SYT5: variants seen among roughly 807,000 people sequenced by gnomAD.
The protein encoded by SYT5 is synaptotagmin-5.
A neutral mutation model predicts 36.0 loss-of-function variants in SYT5; 29 were observed. The observed-to-expected ratio is 0.81, with a 90% CI of 0.60 to 1.10. SYT5 has a LOEUF of 1.10. SYT5 is among the 50% of genes least tolerant of loss of function. The pLI is 0.00. For missense variants in SYT5, 512 were observed against 516.0 expected (o/e 0.99, Z 0.08); for synonymous variants, 231 against 227.6 (o/e 1.02, Z -0.14).
rs199548402 is a variant in SYT5 at position 55,174,488 on chromosome 19, C to T, written c.960+29G>A. ...CAATGGCGATTACTAAAGGTCTGGG[C>T]TCTTGGAGAAGGGCAGGTTTGAGCT... On this transcript the variant is annotated intron_variant, in intron 8 of 8. Transcript: ENST00000354308. 1.3e-4 allele frequency: 214 copies of T among 1,610,070 alleles called. 2 individuals carry two copies. The East Asian group carries it at 2.5e-3, about 19-fold the overall frequency.
chr19:55,174,882 C>G lies in SYT5; in HGVS notation c.826G>C (p.Asp276His). The G allele has an allele frequency of 2.5e-6, 4 of 1,614,094 alleles. No individual in the cohort carries two copies. The highest frequency in any genetic ancestry group is 3.4e-6 in the Non-Finnish European group (4 of 1,179,958). ...LKKMDVGGLS[D>H]PYVKVHLLQG... Reference sequence around the variant, plus strand: ...CCCCACTCCCTTGCTTCCCACACACCTGACAGTCCTCCTACGTCCATCTTC... The same window carrying G: ...CCCCACTCCCTTGCTTCCCACACACGTGACAGTCCTCCTACGTCCATCTTC... The change falls in exon 7 of 9, where the codon GAT becomes CAT. Residue 276 changes from aspartate to histidine, a missense_variant and splice_region_variant. Physicochemically the swap from Asp to His is moderately conservative, Grantham distance 81 (BLOSUM62 -1). Coordinates refer to ENST00000354308, the MANE Select transcript of SYT5 (RefSeq NM_003180.3).
rs2086006653 is a variant in SYT5 at position 55,171,650 on chromosome 19, G to C, written c.*1834C>G. Reference sequence around the variant, plus strand: ...GGAACTATCATCTTTGCTAGAAACAGAGTAGGAGGCAGCATTCGTTGAAAG... The same window carrying C: ...GGAACTATCATCTTTGCTAGAAACACAGTAGGAGGCAGCATTCGTTGAAAG... On this transcript the variant is annotated 3_prime_UTR_variant, in exon 9 of 9. Transcript: ENST00000354308. The C allele has an allele frequency of 6.6e-6, 1 of 152,184 alleles. No individual in the cohort carries two copies. The highest frequency in any genetic ancestry group is 2.4e-5 in the African/African-American group (1 of 41,430). 9.4% of individuals were successfully genotyped at this position (152,184 alleles called of 1,614,324 possible). A position where few individuals can be genotyped will look rare whatever the true frequency, so the allele number is the denominator to read the frequency against.
rs774472391 is a variant in SYT5, at chr19:55,175,189, C to A, written c.691G>T (p.Ala231Ser). 1 of 1,605,260 alleles carries A rather than the reference C, an allele frequency of 6.2e-7. No individual in the cohort carries two copies. Among genetic ancestry groups the A allele is most frequent in the Non-Finnish European group, 8.5e-7 (1 of 1,176,732 alleles). The change falls in exon 6 of 9, where the codon GCG becomes TCG. Residue 231 changes from alanine to serine, a missense_variant. Coordinates refer to ENST00000354308, the MANE Select transcript of SYT5 (RefSeq NM_003180.3). This position sits in a 1 kb window ranked among gnomAD's most constrained non-coding sequence, Gnocchi z 4.5. ...RPVQAWRELQ[A>S]APREEQEKLG... ...ATGCTCACCTCCTCCCGCGGAGCCG[C>A]CTGCAGCTCCCGCCAGGCCTGCACT...
rs1237491036 is a variant in SYT5 at position 55,175,258 on chromosome 19, C to A, written c.622G>T (p.Gly208Trp). 3 of 1,606,628 alleles carry A rather than the reference C, an allele frequency of 1.9e-6. No homozygotes were observed. Among genetic ancestry groups the A allele is most frequent in the Non-Finnish European group, 2.5e-6 (3 of 1,177,560 alleles). The change falls in exon 6 of 9, where the codon GGG (glycine) becomes TGG (tryptophan). Residue 208 changes from glycine to tryptophan, a missense_variant. By Grantham distance (184) the Gly-to-Trp change is radical. Coordinates refer to ENST00000354308, the MANE Select transcript of SYT5 (RefSeq NM_003180.3). This position sits in a 1 kb window ranked among gnomAD's most constrained non-coding sequence, Gnocchi z 4.5. ...FDRFSRNDAIGEVRVPMSSVD... is the reference protein window; with the variant it reads ...FDRFSRNDAIWEVRVPMSSVD... ...GAGCTCATAGGGACCCGCACCTCCC[C>A]GATGGCGTCATTGCGAGAGAAGCGG...
Position 55,171,630 on chromosome 19 carries a change from TATC to T in SYT5, c.*1851_*1853del, listed in dbSNP as rs2086006544. 1 of 152,128 alleles carries T rather than the reference TATC, an allele frequency of 6.6e-6. No individual in the cohort carries two copies. Among genetic ancestry groups the T allele is most frequent in the Non-Finnish European group, 1.5e-5 (1 of 68,030 alleles). 9.4% of individuals were successfully genotyped at this position (152,128 alleles called of 1,614,324 possible). A position where few individuals can be genotyped will look rare whatever the true frequency, so the allele number is the denominator to read the frequency against. On this transcript the variant is annotated 3_prime_UTR_variant, in exon 9 of 9. Transcript: ENST00000354308. ...GAGATAAGGTAGAAGCCAATGGAAC[TATC>T]ATCTTTGCTAGAAACAGAGTAGGAG...
chr19:55,175,891 C>A lies in SYT5; in HGVS notation c.373-15G>T. On this transcript the variant is annotated splice_polypyrimidine_tract_variant and intron_variant, in intron 4 of 8. Coordinates refer to ENST00000354308, the MANE Select transcript of SYT5 (RefSeq NM_003180.3). The surrounding 1 kb of genome is among the most constrained non-coding windows in gnomAD (Gnocchi z 4.5). Reference sequence around the variant, plus strand: ...CCCACCAGCAGCTGCAGGGCCCAGGCACAGTGGGGGAGGTGGGGAACACTA... The same window carrying A: ...CCCACCAGCAGCTGCAGGGCCCAGGAACAGTGGGGGAGGTGGGGAACACTA... 1 of 1,614,058 alleles carries A rather than the reference C, an allele frequency of 6.2e-7. No individual in the cohort carries two copies. Among genetic ancestry groups the A allele is most frequent in the Non-Finnish European group, 8.5e-7 (1 of 1,179,972 alleles).
At position 55,179,022 on chromosome 19, in the gene SYT5, G is replaced by A; in HGVS notation, c.20C>T (p.Thr7Ile). 6.2e-7 allele frequency: 1 copy of A among 1,606,136 alleles called. No individual in the cohort carries two copies. The highest frequency in any genetic ancestry group is 1.1e-5 in the South Asian group (1 of 89,660). ...CGTGTCGGGCGATGGAGGCCCCGGG[G>A]TTGGGGGCTCCGGGAACATGGTGGC... MFPEPP[T>I]PGPPSPDTPP... Residue 7 changes from threonine (T) to isoleucine (I), a missense_variant, in exon 2 of 9, where the codon ACC becomes ATC. Coordinates refer to ENST00000354308, the MANE Select transcript of SYT5 (RefSeq NM_003180.3). This position sits in a 1 kb window ranked among gnomAD's most constrained non-coding sequence, Gnocchi z 4.5.
intron 7 of SYT5, 49 bp downstream of exon 7, chr19:55,174,833 C>G: frequency 6.3e-7 from 1 of 1,592,846 alleles, no homozygotes; most frequent in Non-Finnish European, 8.6e-7. Flanking sequence ...AGAACGAGAA[C>G]CCACCCCACG....
chr19:55,179,560 G>C lies in SYT5; in HGVS notation c.-45-474C>G, dbSNP rs1174855920. The C allele has an allele frequency of 1.0e-5, 2 of 196,402 alleles. No homozygotes were observed. The highest frequency in any genetic ancestry group is 2.1e-5 in the Non-Finnish European group (2 of 97,274). 12.2% of individuals were successfully genotyped at this position (196,402 alleles called of 1,614,324 possible). ...ACCGGTGCCTGGGAACCCCCCAATA[G>C]CCCGACTGGGATCCTGAGGTCCCGC... is the stretch of plus-strand genomic sequence containing the variant. On this transcript the variant is annotated intron_variant, in intron 1 of 8. Coordinates refer to ENST00000354308, the MANE Select transcript of SYT5 (RefSeq NM_003180.3). The surrounding 1 kb of genome is among the most constrained non-coding windows in gnomAD (Gnocchi z 4.5).
intron 3 of SYT5, among the ~76,000 whole-genome samples, chr19:55,176,478 CA>C (rs2086078728): frequency 1.3e-5 from 2 of 152,194 alleles, no homozygotes; most frequent in Non-Finnish European, 2.9e-5. Flanking sequence ...TCCAAACTGC[CA>C]TGTTTACTTG....
At chr19:55,174,385 G>T in intron 8 of SYT5, 132 bp downstream of exon 8, 1 of 1,276,536 alleles carries the variant, frequency 7.8e-7, no homozygotes, top group Non-Finnish European at 1.1e-6. Flanking sequence ...CCTCATAGGA[G>T]GAAACAGACT....
At position 55,174,643 on chromosome 19, in the gene SYT5, G is replaced by A. The variant is rs1169958305; in HGVS notation, c.834C>T (p.Tyr278=). 1.9e-6 allele frequency: 3 copies of A among 1,614,070 alleles called. No homozygotes were observed. Among genetic ancestry groups the A allele is most frequent in the Admixed American group, 1.7e-5 (1 of 60,018 alleles). Residue 278 remains tyrosine (Y), a synonymous_variant, in exon 8 of 9, where the codon TAC becomes TAT. Coordinates refer to ENST00000354308, the MANE Select transcript of SYT5 (RefSeq NM_003180.3). The part of the protein sequence containing the change: ...KMDVGGLSDP[Y]VKVHLLQGGK... ...CGCCCTGCAGCAGGTGGACCTTGAC[G>A]TATGGATCTGGGGAGAGGAAGGAGG...
chr19:55,176,641 G>A (rs2086079762), intron 3 of SYT5, among the ~76,000 whole-genome samples: 1 of 152,156 alleles, frequency 6.6e-6, no homozygotes, highest in African/African-American at 2.4e-5. Context: ...TGAATCCTGT[G>A]GCAAAATGTC....
chr19:55,171,336 C>T lies in SYT5; in HGVS notation c.*2148G>A, dbSNP rs1008049809. On this transcript the variant is annotated 3_prime_UTR_variant, in exon 9 of 9. Coordinates refer to ENST00000354308, the MANE Select transcript of SYT5 (RefSeq NM_003180.3). ...ACACACACACACACACACACACACA[C>T]ACACACACACTCACACACATGAAAA... 6.6e-6 allele frequency: 1 copy of T among 152,220 alleles called. No homozygotes were observed. The highest frequency in any genetic ancestry group is 2.4e-5 in the African/African-American group (1 of 41,276). 9.4% of individuals were successfully genotyped at this position (152,220 alleles called of 1,614,324 possible). A position where few individuals can be genotyped will look rare whatever the true frequency, so the allele number is the denominator to read the frequency against.
rs918324344 is a variant in SYT5, at chr19:55,171,343, A to T, written c.*2141T>A. ...CACACACACACACACACACACACAC[A>T]CACTCACACACATGAAAAGTTACTG... On this transcript the variant is annotated 3_prime_UTR_variant, in exon 9 of 9. Coordinates refer to ENST00000354308, the MANE Select transcript of SYT5 (RefSeq NM_003180.3). 5 of 149,824 alleles carry T rather than the reference A, an allele frequency of 3.3e-5. No individual in the cohort carries two copies. Among genetic ancestry groups the T allele is most frequent in the Non-Finnish European group, 7.4e-5 (5 of 67,840 alleles). 9.3% of individuals were successfully genotyped at this position (149,824 alleles called of 1,614,324 possible). A position where few individuals can be genotyped will look rare whatever the true frequency, so the allele number is the denominator to read the frequency against.
chr19:55,177,275 G>A (rs1325347607), intron 3 of SYT5: 1 of 152,174 alleles, frequency 6.6e-6, no homozygotes, highest in Non-Finnish European at 1.5e-5. Context: ...TGCAGCTATT[G>A]TGAGAAATGA....
Position 55,179,262 on chromosome 19 carries a change from T to C in SYT5, c.-45-176A>G. The C allele has an allele frequency of 6.9e-7, 1 of 1,450,466 alleles. No individual in the cohort carries two copies. Among genetic ancestry groups the C allele is most frequent in the South Asian group, 1.4e-5 (1 of 70,328 alleles). The allele number at this position is 1,450,466 out of a possible 1,614,324, so 89.8% of individuals were successfully genotyped here. ...TTGAGAGGGGGTGTCCAGGACCTAG[T>C]TCCATCCTAAAGGGATACCCTCTTC... is the stretch of plus-strand genomic sequence containing the variant. On this transcript the variant is annotated intron_variant, in intron 1 of 8. Transcript: ENST00000354308. This position sits in a 1 kb window ranked among gnomAD's most constrained non-coding sequence, Gnocchi z 4.5.
At chr19:55,174,046 G>A (rs1196539545) in intron 8 of SYT5, 1 of 253,104 alleles carries the variant, frequency 4.0e-6, no homozygotes, top group Non-Finnish European at 7.4e-6. Flanking sequence ...GTGAGGGGAG[G>A]TCTCTTTTTC....
chr19:55,177,279 G>A (rs2086087158), intron 3 of SYT5: 1 of 152,172 alleles, frequency 6.6e-6, no homozygotes, highest in Non-Finnish European at 1.5e-5. Context: ...GCTATTGTGA[G>A]AAATGACTCT....
Sources: allele counts gnomAD v4.1 joint callset (sites outside exome capture counted in the v4.1 genomes callset), GRCh38; gene constraint gnomAD v4.1.1; non-coding constraint Gnocchi (gnomAD v3.1); transcripts MANE v1.5; gene names NCBI Gene and HGNC (gene_info 2026-07-23, HGNC 2026-07-21).